The following NOP53 variants were observed in gnomAD, a reference collection of about 807,000 sequenced individuals.
The protein encoded by NOP53 is ribosome biogenesis protein NOP53.
Under a neutral mutation model 61.0 loss-of-function variants are expected in NOP53, and 40 were observed. The ratio of observed to expected loss-of-function variants is 0.66; its 90% confidence interval spans 0.51 to 0.85. The LOEUF (loss-of-function observed/expected upper bound fraction) is 0.85. Among genes scored for constraint, NOP53 ranks in the 40% least tolerant of loss-of-function variants. The pLI is 0.00. For synonymous variants in NOP53, 308 were observed against 289.5 expected (o/e 1.06, Z -0.65); for missense variants, 689 against 652.9 (o/e 1.06, Z -0.60).
intron 1 of NOP53, 49 bp from the exon 2 acceptor site, chr19:47,746,918 C>G: frequency 6.6e-7 from 1 of 1,512,096 alleles, no homozygotes; most frequent in Non-Finnish European, 9.2e-7. Flanking sequence ...GGTTAAATCT[C>G]TTTCCTCTCC....
intron 5 of NOP53, among the ~76,000 whole-genome samples, chr19:47,752,078 G>T (rs1225009983): frequency 1.3e-5 from 2 of 151,962 alleles, no homozygotes; most frequent in African/African-American, 4.8e-5. Flanking sequence ...CTGCACTCCA[G>T]CCTGGGCAAC....
intron 3 of NOP53, 26 bp from the exon 4 acceptor site, chr19:47,750,882 C>T (rs780844320): frequency 6.4e-7 from 1 of 1,556,804 alleles, no homozygotes; most frequent in Admixed American, 1.9e-5. Context: ...TCACCTGCTG[C>T]ACTTGTGCCC....
At position 47,751,049 on chromosome 19, in the gene NOP53, C is replaced by T; in HGVS notation, c.540C>T (p.Ala180=). The T allele has an allele frequency of 6.2e-7, 1 of 1,607,994 alleles. No homozygotes were observed. The highest frequency in any genetic ancestry group is 8.5e-7 in the Non-Finnish European group (1 of 1,178,036). ...ARLLNPSATR[A]KPGPQDTVER... ...TCCTCAACCCTTCTGCAACAAGGGC[C>T]AAGCCCGGGCCCCAGGACACCGTAG... Residue 180 remains alanine (A), a synonymous_variant, in exon 4 of 13, where the codon GCC becomes GCT. Transcript: ENST00000246802.
In NOP53 at chr19:47,750,246, C is replaced by G; in HGVS notation, c.358C>G (p.Leu120Val). The part of the protein sequence containing the change: ...LLLKKPLRVD[L>V]ILENTSKVPA... ...TCTCAAGAAACCCCTTCGGGTTGAC[C>G]TCATCCTCGAGAACACATCCAAAGT... is the stretch of plus-strand genomic sequence containing the variant. The change falls in exon 3 of 13, where the codon CTC (leucine) becomes GTC (valine). Residue 120 changes from leucine (L) to valine (V), a missense_variant. Physicochemically the swap from Leu to Val is conservative, Grantham distance 32. Coordinates refer to ENST00000246802, the MANE Select transcript of NOP53 (RefSeq NM_015710.5). 6.2e-7 allele frequency: 1 copy of G among 1,611,774 alleles called. No individual in the cohort carries two copies.
chr19:47,750,909 G>A lies in NOP53; in HGVS notation c.400G>A (p.Val134Ile), dbSNP rs182778933. Residue 134 changes from valine (V) to isoleucine (I), a missense_variant and splice_region_variant, in exon 4 of 13, where the codon GTC becomes ATC. Transcript: ENST00000246802. ...CTTGTGCCCCCTCTCCCCGACCAGC[G>A]TCCTCGCCCACCAGGTCCCCAACGC... is the stretch of plus-strand genomic sequence containing the variant. Reference protein sequence around the residue: ...NTSKVPAPKDVLAHQVPNAKK... With the variant: ...NTSKVPAPKDILAHQVPNAKK... 124 of 1,583,920 alleles carry A rather than the reference G, an allele frequency of 7.8e-5. No individual in the cohort carries two copies. Among genetic ancestry groups the A allele is most frequent in the Admixed American group, 6.6e-4 (36 of 54,892 alleles).
chr19:47,755,745 C>T lies in NOP53; in HGVS notation c.1230-11C>T. 1 of 1,606,418 alleles carries T rather than the reference C, an allele frequency of 6.2e-7. No individual in the cohort carries two copies. Among genetic ancestry groups the T allele is most frequent in the Non-Finnish European group, 8.5e-7 (1 of 1,176,910 alleles). On this transcript the variant is annotated splice_polypyrimidine_tract_variant and intron_variant, in intron 9 of 12. Coordinates refer to ENST00000246802, the MANE Select transcript of NOP53 (RefSeq NM_015710.5). ...GGGGTGATATTTCTGAACACCCGCC[C>T]TGTTCTGCAGGTACCAGGCACCTGA...
Position 47,754,446 on chromosome 19 carries a change from A to G in NOP53, c.766-81A>G. On this transcript the variant is annotated intron_variant, in intron 6 of 12. Transcript: ENST00000246802. This position sits in a 1 kb window ranked among gnomAD's most constrained non-coding sequence, Gnocchi z 4.2. ...GGGCGGGATCCACGGGCACTGGATG[A>G]GGGACAGATGGGAGGTAAGAGGGTC... 1 of 1,108,244 alleles carries G rather than the reference A, an allele frequency of 9.0e-7. No individual in the cohort carries two copies. The highest frequency in any genetic ancestry group is 1.3e-6 in the Non-Finnish European group (1 of 753,468). The allele number at this position is 1,108,244 out of a possible 1,614,324, so 68.7% of individuals were successfully genotyped here. A position where few individuals can be genotyped will look rare whatever the true frequency, so the allele number is the denominator to read the frequency against.
At chr19:47,752,056 G>A (rs1338253955) in intron 5 of NOP53, among the ~76,000 whole-genome samples, 2 of 151,906 alleles carry the variant, frequency 1.3e-5, no homozygotes, top group African/African-American at 2.4e-5. Flanking sequence ...GCAGTGAGCC[G>A]AGATCATGCC....
rs939959610 is a variant in NOP53 at position 47,745,656 on chromosome 19, G to T, written c.97G>T (p.Ala33Ser). The T allele has an allele frequency of 6.2e-7, 1 of 1,613,834 alleles. No individual in the cohort carries two copies. Among genetic ancestry groups the T allele is most frequent in the South Asian group, 1.1e-5 (1 of 91,066 alleles). ...LGLRPTSVDP[A>S]LRRRRRGPRN... ...GCTGCGGCCCACTTCGGTGGACCCA[G>T]CGCTGAGGCGGCGGCGGCGAGGCCC... is the stretch of plus-strand genomic sequence containing the variant. Residue 33 changes from alanine to serine, a missense_variant, in exon 1 of 13, where the codon GCG becomes TCG. Transcript: ENST00000246802.
rs756155775 is a variant in NOP53, at chr19:47,755,378, C to T, written c.1084C>T (p.Arg362Trp). Residue 362 changes from arginine (R) to tryptophan (W), a missense_variant, in exon 9 of 13, where the codon CGG becomes TGG. By Grantham distance (101) the Arg-to-Trp change is moderately radical. Coordinates refer to ENST00000246802, the MANE Select transcript of NOP53 (RefSeq NM_015710.5). ...ACAGCAGGCCGCGTTGCGGGCCGCC[C>T]GGCTCCGGCACCAGGAGCTGTTCCG... is the stretch of plus-strand genomic sequence containing the variant. Reference protein sequence around the residue: ...RVQQAALRAARLRHQELFRLR... With the variant: ...RVQQAALRAAWLRHQELFRLR... 75 of 1,523,176 alleles carry T rather than the reference C, an allele frequency of 4.9e-5. No individual in the cohort carries two copies. The highest frequency in any genetic ancestry group is 3.2e-4 in the South Asian group (26 of 82,456). The allele number at this position is 1,523,176 out of a possible 1,614,324, so 94.4% of individuals were successfully genotyped here.
chr19:47,751,539 G>A lies in NOP53; in HGVS notation c.618G>A (p.Leu206=). 6.2e-7 allele frequency: 1 copy of A among 1,613,956 alleles called. No homozygotes were observed. The highest frequency in any genetic ancestry group is 8.5e-7 in the Non-Finnish European group (1 of 1,179,944). Residue 206 remains leucine (L), a synonymous_variant, in exon 5 of 13, where the codon TTG becomes TTA. Coordinates refer to ENST00000246802, the MANE Select transcript of NOP53 (RefSeq NM_015710.5). ...CCACAGACCCCCTGGACAGGCCGTT[G>A]GTTGGCCAGGATGAGTTTTTCCTGG... ...WASDNPLDRP[L]VGQDEFFLEQ...
At position 47,755,786 on chromosome 19, in the gene NOP53, G is replaced by C. The variant is rs773103473; in HGVS notation, c.1260G>C (p.Leu420=). ...KYQAPDIDVQ[L]SSELTDSLRT... is the part of the protein sequence containing the mutation. The stretch of plus-strand genomic sequence containing the variant: ...AGGCACCTGACATCGACGTGCAGCT[G>C]AGCTCGGAGCTGACAGACTCGCTCA... Residue 420 remains leucine (L), a synonymous_variant, in exon 10 of 13, where the codon CTG becomes CTC. Transcript: ENST00000246802. 1 of 1,611,046 alleles carries C rather than the reference G, an allele frequency of 6.2e-7. No homozygotes were observed. Among genetic ancestry groups the C allele is most frequent in the Admixed American group, 1.7e-5 (1 of 59,756 alleles).
At chr19:47,747,845 A>G (rs1967082927) in intron 2 of NOP53, among the ~76,000 whole-genome samples, 1 of 114,192 alleles carries the variant, frequency 8.8e-6, no homozygotes, top group South Asian at 3.0e-4. Flanking sequence ...CAATGGCGTG[A>G]TCTCAGCTCA....
chr19:47,746,764 A>G lies in NOP53; in HGVS notation c.225-203A>G, dbSNP rs534915781. The G allele has an allele frequency of 6.0e-5, 28 of 468,600 alleles. No homozygotes were observed. The East Asian group carries it at 6.7e-4, about 11-fold the overall frequency. The allele number at this position is 468,600 out of a possible 1,614,324, so 29.0% of individuals were successfully genotyped here. Reference sequence around the variant, plus strand: ...GTGAGCCACCCGCCTGGGCCTCCCAAAGTGCTGGGATTACAGGCGTGAGCC... The same window carrying G: ...GTGAGCCACCCGCCTGGGCCTCCCAGAGTGCTGGGATTACAGGCGTGAGCC... On this transcript the variant is annotated intron_variant, in intron 1 of 12. Transcript: ENST00000246802.
Position 47,754,293 on chromosome 19 carries a change from A to G in NOP53, c.766-234A>G, listed in dbSNP as rs1361649199. Reference sequence around the variant, plus strand: ...ACTCTATCTCAAAAAAAAAATGTGAAGCGTGCAGGTCAGACTGCCTTCACA... The same window carrying G: ...ACTCTATCTCAAAAAAAAAATGTGAGGCGTGCAGGTCAGACTGCCTTCACA... On this transcript the variant is annotated intron_variant, in intron 6 of 12. Coordinates refer to ENST00000246802, the MANE Select transcript of NOP53 (RefSeq NM_015710.5). The surrounding 1 kb of genome is among the most constrained non-coding windows in gnomAD (Gnocchi z 4.2). 6.1e-6 allele frequency: 3 copies of G among 490,176 alleles called. No homozygotes were observed. The highest frequency in any genetic ancestry group is 7.3e-6 in the Non-Finnish European group (2 of 274,548). The allele number at this position is 490,176 out of a possible 1,614,324, so 30.4% of individuals were successfully genotyped here.
intron 1 of NOP53, chr19:47,746,194 A>G (rs73051763): frequency 0.016 from 2,588 of 157,142 alleles, 31 homozygotes; most frequent in South Asian, 0.039. Context: ...ATATGTATAT[A>G]TATATGTTTT....
chr19:47,756,472 TCCAGGCCCTTGGGCTTCTG>T (rs933365083), intron 10 of NOP53, 37 bp from the exon 11 acceptor site: 5 of 1,443,906 alleles, frequency 3.5e-6, no homozygotes, highest in African/African-American at 1.4e-5. Context: ...CGAGGAGAGG[TCCAGGCCCTTGGGCTTCTG>T]CCAGGCCCTG....
rs140372464 is a variant in NOP53 at position 47,748,217 on chromosome 19, G to A, written c.289+1186G>A. Among the ~76,000 whole-genome samples the A allele has an allele frequency of 1.6e-3, 238 of 152,046 alleles. 1 individual carries two copies. The highest frequency in any genetic ancestry group is 0.011 in the South Asian group (51 of 4,794). The stretch of plus-strand genomic sequence containing the variant: ...TGGGGTTATAGGCGTGAGCCGCTGC[G>A]CCTGGCCAAGATGAGCTTTAATAGG... On this transcript the variant is annotated intron_variant, in intron 2 of 12. Transcript: ENST00000246802.
At chr19:47,749,748 CT>C (rs144009259) in intron 2 of NOP53, among the ~76,000 whole-genome samples, 13,408 of 149,874 alleles carry the variant, frequency 0.089, 769 homozygotes, top group Non-Finnish European at 0.13. Flanking sequence ...TGCTTTCTTC[CT>C]TTTTTTTTTC....
Sources: allele counts gnomAD v4.1 joint callset (sites outside exome capture counted in the v4.1 genomes callset), GRCh38; gene constraint gnomAD v4.1.1; non-coding constraint Gnocchi (gnomAD v3.1); transcripts MANE v1.5; gene names NCBI Gene and HGNC (gene_info 2026-07-23, HGNC 2026-07-21).